Variants in SBF2 observed in about 807,000 individuals in gnomAD.
SBF2 encodes the protein myotubularin-related protein 13.
Under a neutral mutation model 225.2 loss-of-function variants are expected in SBF2, and 112 were observed. The ratio of observed to expected loss-of-function variants is 0.50; its 90% CI spans 0.43 to 0.58. SBF2 has a LOEUF of 0.58. SBF2 is among the 20% of genes least tolerant of loss of function. The pLI is 0.00. For missense variants in SBF2, 1,996 were observed against 2,206.2 expected (o/e 0.90, Z 1.91); for synonymous variants, 763 against 773.3 (o/e 0.99, Z 0.22).
At chr11:9,935,019 C>T (rs879163992) in intron 16 of SBF2, among the ~76,000 whole-genome samples, 3 of 152,042 alleles carry the variant, frequency 2.0e-5, no homozygotes, top group African/African-American at 7.3e-5. Flanking sequence ...TGAAATTGTC[C>T]CTGTTTGCAG....
rs193168042 is a variant in SBF2 at position 9,976,594 on chromosome 11, C to T, written c.1396-8049G>A. ...CTGTACTTCAGCCTGGGCAACAAAG[C>T]GAGACACCACCTCCAAAATAAAAAG... On this transcript the variant is annotated intron_variant, in intron 13 of 39. Transcript: ENST00000256190. 6.1e-4 allele frequency among the ~76,000 whole-genome samples: 93 copies of T among 151,712 alleles called. No homozygotes were observed. In the East Asian group the frequency reaches 0.014, roughly 22 times the overall value.
intron 6 of SBF2, among the ~76,000 whole-genome samples, chr11:10,023,489 T>C (rs1248922974): frequency 2.0e-5 from 3 of 152,176 alleles, no homozygotes; most frequent in Non-Finnish European, 4.4e-5. Flanking sequence ...AAGAATTTCA[T>C]TCCTCAAAAG....
chr11:10,241,742 A>T (rs971167020), intron 1 of SBF2, among the ~76,000 whole-genome samples: 2 of 152,128 alleles, frequency 1.3e-5, no homozygotes, highest in Non-Finnish European at 1.5e-5. Context: ...CGAGAAGCAG[A>T]TATCTATAAA....
intron 1 of SBF2, among the ~76,000 whole-genome samples, chr11:10,258,089 C>T (rs991899830): frequency 9.0e-5 from 13 of 143,790 alleles, no homozygotes; most frequent in African/African-American, 3.3e-4. Context: ...CATACACACA[C>T]ACACACACAC....
At chr11:10,227,604 T>G (rs1958628981) in intron 1 of SBF2, among the ~76,000 whole-genome samples, 5 of 152,240 alleles carry the variant, frequency 3.3e-5, no homozygotes, top group Non-Finnish European at 7.3e-5. Flanking sequence ...CTTGTTTTTG[T>G]CAGGTTTGAC....
chr11:9,908,759 G>T (rs1420242154), intron 16 of SBF2, among the ~76,000 whole-genome samples: 1 of 152,014 alleles, frequency 6.6e-6, no homozygotes, highest in African/African-American at 2.4e-5. Flanking sequence ...GTGCGGTGGT[G>T]TGATTTTGGC....
chr11:9,886,932 C>T (rs189042172), intron 17 of SBF2, among the ~76,000 whole-genome samples: 9 of 152,062 alleles, frequency 5.9e-5, no homozygotes, highest in South Asian at 2.1e-4. Context: ...TCTCTGTAAG[C>T]GTGTGTATTT....
intron 2 of SBF2, among the ~76,000 whole-genome samples, chr11:10,077,092 T>C (rs1485590113): frequency 2.6e-5 from 4 of 152,166 alleles, no homozygotes; most frequent in Non-Finnish European, 5.9e-5. Flanking sequence ...CTGCAGAGCT[T>C]ATTACATTAT....
Position 9,789,227 on chromosome 11 carries a change from G to A in SBF2, c.4814C>T (p.Pro1605Leu), listed in dbSNP as rs1852579989. 1 of 1,614,202 alleles carries A rather than the reference G, an allele frequency of 6.2e-7. No individual in the cohort carries two copies. The highest frequency in any genetic ancestry group is 1.1e-5 in the South Asian group (1 of 91,078). The part of the protein sequence containing the change: ...DWMMLTPKHF[P>L]SEDSDLAGEA... The stretch of plus-strand genomic sequence containing the variant: ...TCCAGCCAGGTCAGAGTCTTCGGAG[G>A]GGAAGTGCTTGGGGGTTAGCATCAT... Residue 1605 changes from proline to leucine, a missense_variant, in exon 35 of 40, where the codon CCC (proline) becomes CTC (leucine). Pro to Leu is a moderately conservative substitution (Grantham distance 98). Coordinates refer to ENST00000256190, the MANE Select transcript of SBF2 (RefSeq NM_030962.4).
At chr11:10,166,866 G>C (rs1215202624) in intron 2 of SBF2, among the ~76,000 whole-genome samples, 1 of 152,142 alleles carries the variant, frequency 6.6e-6, no homozygotes, top group East Asian at 1.9e-4. Context: ...GGAGACTGAG[G>C]CGGGAGAATC....
chr11:10,174,616 A>G (rs1332367946), intron 2 of SBF2, among the ~76,000 whole-genome samples: 2 of 152,204 alleles, frequency 1.3e-5, no homozygotes, highest in Admixed American at 6.5e-5. Context: ...AACTTCCCCA[A>G]TGTAGCAAGG....
At chr11:10,151,458 G>A (rs1165640815) in intron 2 of SBF2, among the ~76,000 whole-genome samples, 2 of 152,154 alleles carry the variant, frequency 1.3e-5, no homozygotes, top group East Asian at 1.9e-4. Flanking sequence ...ACTGCATAGA[G>A]CTTATTTTCT....
At chr11:9,806,537 T>C (rs903155163) in intron 32 of SBF2, among the ~76,000 whole-genome samples, 16 of 152,290 alleles carry the variant, frequency 1.1e-4, no homozygotes, top group African/African-American at 3.6e-4. Flanking sequence ...CCTCATCTAT[T>C]TGCCAAAAGG....
chr11:10,169,074 G>T (rs936165973), intron 2 of SBF2, among the ~76,000 whole-genome samples: 7 of 151,982 alleles, frequency 4.6e-5, no homozygotes, highest in African/African-American at 1.7e-4. Flanking sequence ...GGGTACACAG[G>T]TATATACATT....
intron 9 of SBF2, among the ~76,000 whole-genome samples, chr11:9,996,956 A>G (rs1947730239): frequency 6.6e-6 from 1 of 152,226 alleles, no homozygotes; most frequent in African/African-American, 2.4e-5. Context: ...GGCAGAACAC[A>G]GACTGGAATT....
At chr11:10,036,438 CAGA>C (rs1472079246) in intron 3 of SBF2, among the ~76,000 whole-genome samples, 1 of 152,024 alleles carries the variant, frequency 6.6e-6, no homozygotes, top group Non-Finnish European at 1.5e-5. Flanking sequence ...ATACTTTATT[CAGA>C]AGATGACTTG....
At chr11:9,901,548 T>G (rs1031650473) in intron 16 of SBF2, among the ~76,000 whole-genome samples, 1 of 152,176 alleles carries the variant, frequency 6.6e-6, no homozygotes, top group African/African-American at 2.4e-5. Flanking sequence ...AACAGACTCT[T>G]TGTGGCAATA....
At chr11:9,901,433 G>T (rs548097747) in intron 16 of SBF2, among the ~76,000 whole-genome samples, 1 of 152,078 alleles carries the variant, frequency 6.6e-6, no homozygotes, top group South Asian at 2.1e-4. Context: ...GGATCCCAGC[G>T]AAACCTGAAA....
intron 2 of SBF2, among the ~76,000 whole-genome samples, chr11:10,169,147 C>T (rs1478246395): frequency 6.6e-6 from 1 of 152,092 alleles, no homozygotes; most frequent in East Asian, 1.9e-4. Context: ...ATGGGGTATC[C>T]ATCACCTCAA....
Sources: allele counts gnomAD v4.1 joint callset (sites outside exome capture counted in the v4.1 genomes callset), GRCh38; gene constraint gnomAD v4.1.1; transcripts MANE v1.5; gene names NCBI Gene and HGNC (gene_info 2026-07-23, HGNC 2026-07-21).